The following PXN variants were observed in gnomAD, a reference collection of about 807,000 sequenced individuals.
The protein encoded by PXN is paxillin.
PXN carries 61 observed loss-of-function variants against 103.6 expected under a neutral mutation model. The ratio of observed to expected loss-of-function variants is 0.59; its 90% CI spans 0.48 to 0.73. The LOEUF is 0.73. PXN is among the 30% of genes least tolerant of loss of function. The probability of loss-of-function intolerance (pLI) is 0.00; values close to 1 mark genes in which losing one functional copy is unlikely to be tolerated. For missense variants in PXN, 1,274 were observed against 1,460.3 expected (o/e 0.87, Z 2.08); for synonymous variants, 562 against 607.8 (o/e 0.92, Z 1.11).
In PXN at chr12:120,216,827, C is replaced by T. The variant is rs769975857; in HGVS notation, c.1992+14G>A. The T allele has an allele frequency of 5.2e-6, 8 of 1,546,648 alleles. No homozygotes were observed. Among genetic ancestry groups the T allele is most frequent in the East Asian group, 4.6e-5 (2 of 43,706 alleles). The stretch of plus-strand genomic sequence containing the variant: ...GCTCTGGCCCAGCCCCAGCCATGGG[C>T]ATCTCCTCGCCACCTTCTCTACGAG... On this transcript the variant is annotated intron_variant, in intron 8 of 14. Transcript: ENST00000637617. The surrounding 1 kb of genome is among the most constrained non-coding windows in gnomAD (Gnocchi z 5.1).
chr12:120,213,775 T>A lies in PXN; in HGVS notation c.2979+67A>T, dbSNP rs1208743768. The A allele has an allele frequency of 6.5e-7, 1 of 1,550,172 alleles. No homozygotes were observed. The highest frequency in any genetic ancestry group is 2.4e-5 in the East Asian group (1 of 41,736). On this transcript the variant is annotated intron_variant, in intron 14 of 14. Coordinates refer to ENST00000637617, the MANE Select transcript of PXN (RefSeq NM_001385981.1). The surrounding 1 kb of genome is among the most constrained non-coding windows in gnomAD (Gnocchi z 4.2). ...TCTGAGTTGGATCCAGACAGCACAA[T>A]GAGGAAGACCCCTCTCTCCCCACTG...
At chr12:120,241,973 GAGA>G (rs993216009) in intron 1 of PXN, among the ~76,000 whole-genome samples, 9 of 152,042 alleles carry the variant, frequency 5.9e-5, no homozygotes, top group Non-Finnish European at 8.8e-5. Context: ...AGTGGATATG[GAGA>G]AGGAGTGAGG....
rs1293358683 is a variant in PXN at position 120,222,723 on chromosome 12, G to A, written c.521C>T (p.Pro174Leu). Reference protein sequence around the residue: ...ADEANSSPPLPGALSPLYGVP... With the variant: ...ADEANSSPPLLGALSPLYGVP... ...ACCATAGAGGGGGCTCAGGGCCCCA[G>A]GAAGCGGGGGGCTTGAGTTGGCCTC... Residue 174 changes from proline (P) to leucine (L), a missense_variant, in exon 5 of 15, where the codon CCT becomes CTT. By Grantham distance (98) the Pro-to-Leu change is moderately conservative (BLOSUM62 -3). Transcript: ENST00000637617. The surrounding 1 kb of genome is among the most constrained non-coding windows in gnomAD (Gnocchi z 4.7). The A allele has an allele frequency of 6.2e-7, 1 of 1,608,008 alleles. No homozygotes were observed. The highest frequency in any genetic ancestry group is 8.5e-7 in the Non-Finnish European group (1 of 1,177,424).
rs759509910 is a variant in PXN at position 120,215,110 on chromosome 12, G to A, written c.2567C>T (p.Ala856Val). Residue 856 changes from alanine (A) to valine (V), a missense_variant, in exon 11 of 15, where the codon GCC (alanine) becomes GTC (valine). By Grantham distance (64) the Ala-to-Val change is moderately conservative (BLOSUM62 0). Transcript: ENST00000637617. This position sits in a 1 kb window ranked among gnomAD's most constrained non-coding sequence, Gnocchi z 4.9. ...CCCACTCCCCCTCATCACCTGCCCGGCGATGGGCTTCTTGCAGGCCCCGCA... is the reference window on the plus strand; with the variant it reads ...CCCACTCCCCCTCATCACCTGCCCGACGATGGGCTTCTTGCAGGCCCCGCA... ...GVCGACKKPI[A>V]GQVVTAMGKT... 2 of 1,578,634 alleles carry A rather than the reference G, an allele frequency of 1.3e-6. No individual in the cohort carries two copies. Among genetic ancestry groups the A allele is most frequent in the Middle Eastern group, 1.7e-4 (1 of 5,890 alleles).
In PXN at chr12:120,215,891, G is replaced by A; in HGVS notation, c.2302-230C>T. ...GGAGTCGACCAAAGGCAGAGGAAAT[G>A]GCAAGGGGAGGTGGCCGGGCTCAGT... On this transcript the variant is annotated intron_variant, in intron 9 of 14. Transcript: ENST00000637617. This position sits in a 1 kb window ranked among gnomAD's most constrained non-coding sequence, Gnocchi z 4.9. 7.3e-7 allele frequency: 1 copy of A among 1,372,246 alleles called. No homozygotes were observed. Among genetic ancestry groups the A allele is most frequent in the Non-Finnish European group, 9.5e-7 (1 of 1,054,058 alleles). 85.0% of individuals were successfully genotyped at this position (1,372,246 alleles called of 1,614,324 possible). A position where few individuals can be genotyped will look rare whatever the true frequency, so the allele number is the denominator to read the frequency against.
chr12:120,222,807 G>A lies in PXN; in HGVS notation c.493+56C>T. On this transcript the variant is annotated intron_variant, in intron 4 of 14. Coordinates refer to ENST00000637617, the MANE Select transcript of PXN (RefSeq NM_001385981.1). The surrounding 1 kb of genome is among the most constrained non-coding windows in gnomAD (Gnocchi z 4.7). ...CCCTTGAGCCCTCCTGGGATCTAGA[G>A]GTCAGCAGATGGGCCCTGGGCCCTG... 6.2e-7 allele frequency: 1 copy of A among 1,605,192 alleles called. No homozygotes were observed. Among genetic ancestry groups the A allele is most frequent in the Non-Finnish European group, 8.5e-7 (1 of 1,175,510 alleles).
In PXN at chr12:120,220,064, C is replaced by T. The variant is rs950548241; in HGVS notation, c.859G>A (p.Ala287Thr). 3.7e-6 allele frequency: 5 copies of T among 1,362,274 alleles called. No homozygotes were observed. The highest frequency in any genetic ancestry group is 5.0e-6 in the Non-Finnish European group (5 of 1,001,078). The allele number at this position is 1,362,274 out of a possible 1,614,324, so 84.4% of individuals were successfully genotyped here. The part of the protein sequence containing the change: ...KTSSSTVALS[A>T]PGLSSSAPSS... ...GGAGCAGAGCTGGACAGCCCCGGGG[C>T]ACTCAGAGCCACAGTGGAGGAGCTG... The change falls in exon 7 of 15, where the codon GCC (alanine) becomes ACC (threonine). Residue 287 changes from alanine (A) to threonine (T), a missense_variant. Physicochemically the swap from Ala to Thr is moderately conservative, Grantham distance 58 (BLOSUM62 0). Transcript: ENST00000637617. This position sits in a 1 kb window ranked among gnomAD's most constrained non-coding sequence, Gnocchi z 6.1.
At position 120,214,089 on chromosome 12, in the gene PXN, C is replaced by T. The variant is rs372813036; in HGVS notation, c.2830+47G>A. 1.4e-4 allele frequency: 220 copies of T among 1,558,494 alleles called. No homozygotes were observed. The highest frequency in any genetic ancestry group is 1.8e-4 in the Non-Finnish European group (213 of 1,151,626). Reference sequence around the variant, plus strand: ...GCAGCGTCTCCCACCCCCACCTCCCCGGCCCTCCTAAGAGGCGGTGGGTCA... The same window carrying T: ...GCAGCGTCTCCCACCCCCACCTCCCTGGCCCTCCTAAGAGGCGGTGGGTCA... On this transcript the variant is annotated intron_variant, in intron 13 of 14. Coordinates refer to ENST00000637617, the MANE Select transcript of PXN (RefSeq NM_001385981.1). This position sits in a 1 kb window ranked among gnomAD's most constrained non-coding sequence, Gnocchi z 5.0.
Position 120,223,710 on chromosome 12 carries a change from G to A in PXN, c.356+8C>T, listed in dbSNP as rs1247983814. 1.3e-6 allele frequency: 2 copies of A among 1,563,890 alleles called. No homozygotes were observed. Among genetic ancestry groups the A allele is most frequent in the Admixed American group, 1.8e-5 (1 of 54,340 alleles). ...AGGGAAGGTGCCCTGGGCAGACTGG[G>A]GCAGTACCTGTAGACGTGCTCCTCC... On this transcript the variant is annotated splice_region_variant and intron_variant, in intron 3 of 14. Transcript: ENST00000637617.
chr12:120,255,957 TG>T (rs1044396979), intron 1 of PXN, among the ~76,000 whole-genome samples: 13 of 28,644 alleles, frequency 4.5e-4, no homozygotes, highest in South Asian at 1.4e-3. Context: ...TGCGGGGGGT[TG>T]GGGGGGGTGG....
intron 1 of PXN, among the ~76,000 whole-genome samples, chr12:120,262,434 A>G (rs1256871373): frequency 6.6e-6 from 1 of 152,198 alleles, no homozygotes; most frequent in African/African-American, 2.4e-5. Context: ...CTGGTTAGTC[A>G]CCAGCACCTA....
At position 120,222,151 on chromosome 12, in the gene PXN, A is replaced by G. The variant is rs1473240390; in HGVS notation, c.696-393T>C. Among the ~76,000 whole-genome samples the G allele has an allele frequency of 6.6e-6, 1 of 152,200 alleles. No homozygotes were observed. The highest frequency in any genetic ancestry group is 1.5e-5 in the Non-Finnish European group (1 of 68,018). ...CCAGAAACCATTCCAAGCGCTTTACATGGATTACTGGTTCTCACCCTTACT... is the reference window on the plus strand; with the variant it reads ...CCAGAAACCATTCCAAGCGCTTTACGTGGATTACTGGTTCTCACCCTTACT... On this transcript the variant is annotated intron_variant, in intron 5 of 14. Transcript: ENST00000637617. This position sits in a 1 kb window ranked among gnomAD's most constrained non-coding sequence, Gnocchi z 4.7.
At chr12:120,248,138 G>C (rs1035873673) in intron 1 of PXN, among the ~76,000 whole-genome samples, 12 of 152,204 alleles carry the variant, frequency 7.9e-5, no homozygotes, top group Middle Eastern at 3.2e-3. Context: ...GAAGCCAGTG[G>C]AAGATATAAG....
At position 120,217,064 on chromosome 12, in the gene PXN, G is replaced by A; in HGVS notation, c.1769C>T (p.Ser590Phe). Residue 590 changes from serine (S) to phenylalanine (F), a missense_variant, in exon 8 of 15, where the codon TCC (serine) becomes TTC (phenylalanine). Ser to Phe is a radical substitution (Grantham distance 155). Coordinates refer to ENST00000637617, the MANE Select transcript of PXN (RefSeq NM_001385981.1). This position sits in a 1 kb window ranked among gnomAD's most constrained non-coding sequence, Gnocchi z 4.1. The part of the protein sequence containing the change: ...SWESGHAHPM[S>F]REPSPRRRLD... ...CCGGCGGCGAGGGGAGGGCTCCCGG[G>A]ACATGGGGTGTGCGTGGCCAGACTC... 2 of 1,591,872 alleles carry A rather than the reference G, an allele frequency of 1.3e-6. No homozygotes were observed. Among genetic ancestry groups the A allele is most frequent in the Non-Finnish European group, 1.7e-6 (2 of 1,177,480 alleles).
At chr12:120,235,254 T>C (rs1162992064) in intron 1 of PXN, among the ~76,000 whole-genome samples, 1 of 152,118 alleles carries the variant, frequency 6.6e-6, no homozygotes, top group Non-Finnish European at 1.5e-5. Flanking sequence ...CCTCTGCTCC[T>C]GCCACGGAAG....
Position 120,216,744 on chromosome 12 carries a change from C to T in PXN, c.1992+97G>A, listed in dbSNP as rs1393984882. ...AGGCAAGAAACCCCCACCCTCTCCC[C>T]AGATCTCCCCTCCGGCCAGCACTGG... is the stretch of plus-strand genomic sequence containing the variant. On this transcript the variant is annotated intron_variant, in intron 8 of 14. Transcript: ENST00000637617. The surrounding 1 kb of genome is among the most constrained non-coding windows in gnomAD (Gnocchi z 5.1). 6.3e-7 allele frequency: 1 copy of T among 1,594,784 alleles called. No individual in the cohort carries two copies. The highest frequency in any genetic ancestry group is 8.5e-7 in the Non-Finnish European group (1 of 1,178,674).
At chr12:120,253,281 T>C (rs1472266398) in intron 1 of PXN, among the ~76,000 whole-genome samples, 1 of 152,090 alleles carries the variant, frequency 6.6e-6, no homozygotes, top group Non-Finnish European at 1.5e-5. Flanking sequence ...GAGACTAGCC[T>C]GACCATTATG....
At chr12:120,231,133 C>A (rs1353437332) in intron 1 of PXN, among the ~76,000 whole-genome samples, 1 of 152,110 alleles carries the variant, frequency 6.6e-6, no homozygotes, top group Non-Finnish European at 1.5e-5. Context: ...TGAGTGGGGG[C>A]CCCTCAGCGG....
intron 1 of PXN, among the ~76,000 whole-genome samples, chr12:120,240,389 AG>A (rs1382317230): frequency 2.0e-5 from 3 of 152,194 alleles, no homozygotes; most frequent in Non-Finnish European, 4.4e-5. Flanking sequence ...GTGCTCTGAC[AG>A]GTGTCAGTTA....
Sources: allele counts gnomAD v4.1 joint callset (sites outside exome capture counted in the v4.1 genomes callset), GRCh38; gene constraint gnomAD v4.1.1; non-coding constraint Gnocchi (gnomAD v3.1); transcripts MANE v1.5; gene names NCBI Gene and HGNC (gene_info 2026-07-23, HGNC 2026-07-21).